The following C3orf22 variants were observed in gnomAD, a reference collection of about 807,000 sequenced individuals.
C3orf22 encodes uncharacterized protein C3orf22.
In C3orf22, 7 loss-of-function variants were observed where a neutral mutation model predicts 10.8. That is an observed-to-expected ratio of 0.65 (90% CI 0.37 to 1.22). C3orf22 has a LOEUF of 1.22. C3orf22 is among the 50% of genes most tolerant of loss of function. The pLI is 0.02. For missense variants in C3orf22, 173 were observed against 177.0 expected (o/e 0.98, Z 0.13); for synonymous variants, 79 against 78.9 (o/e 1.00, Z 0.00).
At chr3:126,539,260 A>G (rs576244073) in intron 4 of C3orf22, among the ~76,000 whole-genome samples, 11 of 152,280 alleles carry the variant, frequency 7.2e-5, no homozygotes, top group Non-Finnish European at 2.9e-5. Context: ...CTCTAAAATA[A>G]TAAGTCTCCC....
downstream of C3orf22, among the ~76,000 whole-genome samples, chr3:126,548,730 C>T (rs1462862290): frequency 6.6e-6 from 1 of 152,208 alleles, no homozygotes; most frequent in Non-Finnish European, 1.5e-5. Context: ...CTTCCCCAAA[C>T]ACCACAGATG....
At chr3:126,541,655 C>A in intron 4 of C3orf22, 2 of 1,309,436 alleles carry the variant, frequency 1.5e-6, no homozygotes, top group Non-Finnish European at 2.0e-6. Context: ...CCGGGCGCAT[C>A]CCGCCGGGGC....
intron 4 of C3orf22, among the ~76,000 whole-genome samples, chr3:126,530,083 T>C (rs778529501): frequency 1.2e-4 from 19 of 152,234 alleles, no homozygotes; most frequent in Non-Finnish European, 2.4e-4. Flanking sequence ...CAAGTCAGGA[T>C]TGGACCCAAG....
At chr3:126,538,336 C>T (rs780358455) in intron 4 of C3orf22, among the ~76,000 whole-genome samples, 10 of 152,220 alleles carry the variant, frequency 6.6e-5, no homozygotes, top group Non-Finnish European at 1.2e-4. Context: ...CACAGGAGGG[C>T]ATCCCAGGCA....
At position 126,542,747 on chromosome 3, in the gene C3orf22, C is replaced by A. The variant is rs533489820; in HGVS notation, c.286+6790G>T. On this transcript the variant is annotated intron_variant and NMD_transcript_variant, in intron 4 of 5. Coordinates refer to the C3orf22 transcript ENST00000505070. Reference sequence around the variant, plus strand: ...ACACCTGGCCAGGCTTGGGGGCAGCCCATCTCAGGTGGCCCTGCACGCGTG... The same window carrying A: ...ACACCTGGCCAGGCTTGGGGGCAGCACATCTCAGGTGGCCCTGCACGCGTG... 9 of 1,068,438 alleles carry A rather than the reference C, an allele frequency of 8.4e-6. No homozygotes were observed. In the Admixed American group the frequency reaches 2.5e-4, roughly 30 times the overall value. 66.2% of individuals were successfully genotyped at this position (1,068,438 alleles called of 1,614,324 possible). A position where few individuals can be genotyped will look rare whatever the true frequency, so the allele number is the denominator to read the frequency against.
downstream of C3orf22, among the ~76,000 whole-genome samples, chr3:126,545,216 T>G (rs1937047148): frequency 6.6e-6 from 1 of 152,276 alleles, no homozygotes; most frequent in Admixed American, 6.5e-5. Context: ...CAAGGGCTGA[T>G]GGCACAAACC....
At chr3:126,553,146 A>G (rs1357936071) in intron 2 of C3orf22, among the ~76,000 whole-genome samples, 156 bp downstream of exon 2, 1 of 152,048 alleles carries the variant, frequency 6.6e-6, no homozygotes, top group South Asian at 2.1e-4. Context: ...ACGAAGGCGG[A>G]CCCCAGACTG....
At chr3:126,556,745 A>C (rs1409692903) in intron 1 of C3orf22, among the ~76,000 whole-genome samples, 3 of 151,004 alleles carry the variant, frequency 2.0e-5, no homozygotes, top group Non-Finnish European at 4.4e-5. Flanking sequence ...ATACTCACAG[A>C]CTCACACATA....
rs1271898156 is a variant in C3orf22, at chr3:126,553,387, C to G, written c.4G>C (p.Asp2His). The G allele has an allele frequency of 6.2e-7, 1 of 1,613,852 alleles. No homozygotes were observed. Among genetic ancestry groups the G allele is most frequent in the Non-Finnish European group, 8.5e-7 (1 of 1,179,938 alleles). Residue 2 changes from aspartate to histidine, a missense_variant, in exon 2 of 4, where the codon GAC becomes CAC. Transcript: ENST00000318225. M[D>H]SSACKKSHQS... ...TGAGACTTCTTGCAGGCACTGGAGT[C>G]CATCACTGAGTGGGTTAAGCTGAGG...
intron 4 of C3orf22, among the ~76,000 whole-genome samples, chr3:126,537,694 AC>A (rs1936827706): frequency 6.6e-6 from 1 of 152,162 alleles, no homozygotes; most frequent in Non-Finnish European, 1.5e-5. Flanking sequence ...CAGCCTGAGG[AC>A]CCTGTGACCG....
intron 1 of C3orf22, among the ~76,000 whole-genome samples, chr3:126,557,006 A>C (rs1937361180): frequency 1.4e-4 from 2 of 14,574 alleles, no homozygotes; most frequent in Non-Finnish European, 2.8e-4. Context: ...AGACACATAC[A>C]CACAGACCCA....
intron 4 of C3orf22, chr3:126,529,393 GA>G: frequency 2.3e-6 from 3 of 1,289,196 alleles, no homozygotes; most frequent in Non-Finnish European, 3.0e-6. Flanking sequence ...CGCAAGGGGG[GA>G]CAGGTGTCAG....
intron 2 of C3orf22, 76 bp downstream of exon 2, chr3:126,553,226 T>C: frequency 9.9e-7 from 1 of 1,014,614 alleles, no homozygotes; most frequent in Non-Finnish European, 1.6e-6. Flanking sequence ...CCCCACAGAA[T>C]GCATTTGAGT....
At chr3:126,537,592 G>A (rs1305809564) in intron 4 of C3orf22, among the ~76,000 whole-genome samples, 1 of 152,164 alleles carries the variant, frequency 6.6e-6, no homozygotes, top group Non-Finnish European at 1.5e-5. Flanking sequence ...ACTGACTCTG[G>A]GCCACACAGC....
Position 126,556,647 on chromosome 3 carries a change from CA to C in C3orf22, c.-41+1979del, listed in dbSNP as rs1937338582. ...CTCGCCTCACTGACTGCCGTTCCCA[CA>C]CACACACACACACACACTCACTCTC... On this transcript the variant is annotated intron_variant, in intron 1 of 3. Coordinates refer to ENST00000318225, the MANE Select transcript of C3orf22 (RefSeq NM_152533.3). Among the ~76,000 whole-genome samples the C allele has an allele frequency of 5.3e-3, 7 of 1,314 alleles. No homozygotes were observed. The Admixed American group carries it at 0.054, about 10-fold the overall frequency. The allele number at this position is 1,314 out of a possible 152,430, so 0.9% of individuals were successfully genotyped here.
chr3:126,550,049 G>C lies in C3orf22; in HGVS notation c.245C>G (p.Ser82Cys). 6.2e-7 allele frequency: 1 copy of C among 1,613,964 alleles called. No homozygotes were observed. Among genetic ancestry groups the C allele is most frequent in the Non-Finnish European group, 8.5e-7 (1 of 1,179,900 alleles). ...GLGAPDFTSP[S>C]GSCPAPLPAP... ...TGGTAGTGGTGCCGGGCAGGAGCCA[G>C]ACGGTGATGTAAAATCTGGAGCCCC... The change falls in exon 4 of 4, where the codon TCT (serine) becomes TGT (cysteine). Residue 82 changes from serine (S) to cysteine (C), a missense_variant. Physicochemically the swap from Ser to Cys is moderately radical, Grantham distance 112. Transcript: ENST00000318225.
chr3:126,549,998 T>C lies in C3orf22; in HGVS notation c.296A>G (p.Asn99Ser), dbSNP rs764055133. 11 of 1,613,898 alleles carry C rather than the reference T, an allele frequency of 6.8e-6. No individual in the cohort carries two copies. Among genetic ancestry groups the C allele is most frequent in the Non-Finnish European group, 1.7e-6 (2 of 1,180,014 alleles). Residue 99 changes from asparagine (N) to serine (S), a missense_variant, in exon 4 of 4, where the codon AAC (asparagine) becomes AGC (serine). Transcript: ENST00000318225. ...ACTCAGCAACTTGAGTTCCCAAAGG[T>C]TGCACAGTGGAGGTGGTGATGGTGC... ...LPAPSPPPLC[N>S]LWELKLLSRR... is the part of the protein sequence containing the mutation.
At position 126,553,285 on chromosome 3, in the gene C3orf22, G is replaced by A. The variant is rs775022164; in HGVS notation, c.89+17C>T. ...GGGGAGGCAGGGCTTGTCTCCAGAG[G>A]TGTCAGCCTCCCGCACCTGTACGGA... On this transcript the variant is annotated intron_variant, in intron 2 of 3. Coordinates refer to ENST00000318225, the MANE Select transcript of C3orf22 (RefSeq NM_152533.3). The A allele has an allele frequency of 1.9e-6, 3 of 1,571,630 alleles. No homozygotes were observed. The highest frequency in any genetic ancestry group is 2.6e-6 in the Non-Finnish European group (3 of 1,141,248).
chr3:126,536,822 CACAT>C (rs1387796145), intron 4 of C3orf22, among the ~76,000 whole-genome samples: 1 of 151,762 alleles, frequency 6.6e-6, no homozygotes, highest in Non-Finnish European at 1.5e-5. Context: ...CCCAAATACA[CACAT>C]ACAACTGTAC....
Sources: allele counts gnomAD v4.1 joint callset (sites outside exome capture counted in the v4.1 genomes callset), GRCh38; gene constraint gnomAD v4.1.1; transcripts MANE v1.5; gene names NCBI Gene and HGNC (gene_info 2026-07-23, HGNC 2026-07-21).